Variants in RBL2 observed in about 807,000 individuals in gnomAD.
RBL2 encodes retinoblastoma-like protein 2.
A neutral mutation model predicts 126.0 loss-of-function variants in RBL2; 56 were observed. The observed-to-expected ratio is 0.44, with a 90% confidence interval of 0.36 to 0.56. RBL2 has a LOEUF of 0.56. RBL2 is among the 20% of genes least tolerant of loss of function. The pLI, the probability that RBL2 is intolerant of heterozygous loss-of-function variation, is 0.00. For missense variants in RBL2, 1,229 were observed against 1,398.2 expected (o/e 0.88, Z 1.93); for synonymous variants, 454 against 478.5 (o/e 0.95, Z 0.67).
chr16:53,479,132 G>C, intron 17 of RBL2, 22 bp from the exon 18 acceptor site: 1 of 1,591,772 alleles, frequency 6.3e-7, no homozygotes, highest in Non-Finnish European at 8.6e-7. Flanking sequence ...ATGTCTCTCA[G>C]AGCACTCTTA....
At chr16:53,447,720 C>T (rs1598093829) in intron 4 of RBL2, among the ~76,000 whole-genome samples, 1 of 152,004 alleles carries the variant, frequency 6.6e-6, no homozygotes, top group East Asian at 1.9e-4. Flanking sequence ...TCTCGGCTCA[C>T]TGCAGCCTAC....
At position 53,464,245 on chromosome 16, in the gene RBL2, C is replaced by G; in HGVS notation, c.1580C>G (p.Ala527Gly). 4 of 1,581,624 alleles carry G rather than the reference C, an allele frequency of 2.5e-6. No homozygotes were observed. The South Asian group carries it at 3.5e-5, about 14-fold the overall frequency. ...MDLSGILEQDAFHRSLLACCL... is the reference protein window; with the variant it reads ...MDLSGILEQDGFHRSLLACCL... ...TTATAGGGTATTCTGGAACAAGATGCGTTCCACAGATCTCTCTTGGCCTGC... is the reference window on the plus strand; with the variant it reads ...TTATAGGGTATTCTGGAACAAGATGGGTTCCACAGATCTCTCTTGGCCTGC... Residue 527 changes from alanine to glycine, a missense_variant, in exon 12 of 22, where the codon GCG becomes GGG. Physicochemically the swap from Ala to Gly is moderately conservative, Grantham distance 60. Around this residue, in one of 2 missense-constraint regions of RBL2, gnomAD observed 1,070 missense variants for 1,274.3 expected, o/e 0.84. Coordinates refer to ENST00000262133, the MANE Select transcript of RBL2 (RefSeq NM_005611.4).
chr16:53,440,548 A>G (rs953897315), intron 2 of RBL2, among the ~76,000 whole-genome samples: 3 of 152,188 alleles, frequency 2.0e-5, no homozygotes, highest in African/African-American at 7.2e-5. Context: ...AAGTAGAAAG[A>G]TAACATTTCA....
Position 53,456,815 on chromosome 16 carries a change from A to G in RBL2, c.1179+1973A>G, listed in dbSNP as rs116173168. Among the ~76,000 whole-genome samples, 1,154 of 152,300 alleles carry G rather than the reference A, an allele frequency of 7.6e-3. 21 individuals carry two copies. Among genetic ancestry groups the G allele is most frequent in the African/African-American group, 0.027 (1,108 of 41,572 alleles). ...TCTGGTCTCTGATAACCCAACTGCTATGTCAATAATAACCACAACATCCTC... is the reference window on the plus strand; with the variant it reads ...TCTGGTCTCTGATAACCCAACTGCTGTGTCAATAATAACCACAACATCCTC... On this transcript the variant is annotated intron_variant, in intron 8 of 21. Coordinates refer to ENST00000262133, the MANE Select transcript of RBL2 (RefSeq NM_005611.4).
chr16:53,440,649 G>C (rs2058005921), intron 2 of RBL2, among the ~76,000 whole-genome samples: 1 of 152,134 alleles, frequency 6.6e-6, no homozygotes. Flanking sequence ...TGCCTCCCAG[G>C]TTCAAACGAT....
chr16:53,488,287 A>G (rs1381975750), intron 21 of RBL2: 1 of 152,244 alleles, frequency 6.6e-6, no homozygotes, highest in Non-Finnish European at 1.5e-5. Flanking sequence ...TAAGTGAAAG[A>G]CACTGGATTC....
In RBL2 at chr16:53,461,727, A is replaced by G; in HGVS notation, c.1347-14A>G. On this transcript the variant is annotated splice_polypyrimidine_tract_variant and intron_variant, in intron 9 of 21. Transcript: ENST00000262133. ...AGACCTTTAAATTATGTTATTTCTC[A>G]TTACCTTTTTTAGGACATGTTCCAG... The G allele has an allele frequency of 1.9e-6, 3 of 1,549,458 alleles. No individual in the cohort carries two copies. The highest frequency in any genetic ancestry group is 2.6e-6 in the Non-Finnish European group (3 of 1,146,534).
At chr16:53,486,085 T>A (rs1265356201) in intron 21 of RBL2, among the ~76,000 whole-genome samples, 2 of 148,082 alleles carry the variant, frequency 1.4e-5, no homozygotes, top group African/African-American at 2.5e-5. Context: ...AGCCCAGTAG[T>A]TCAAGACCAG....
Position 53,455,253 on chromosome 16 carries a change from T to C in RBL2, c.1179+411T>C, listed in dbSNP as rs555489853. On this transcript the variant is annotated intron_variant, in intron 8 of 21. Transcript: ENST00000262133. ...TTTAAGAAAATTCTTTTAAACTGAA[T>C]TTCAGGACCACGTGGTATTATTTCA... is the stretch of plus-strand genomic sequence containing the variant. Among the ~76,000 whole-genome samples, 6 of 152,296 alleles carry C rather than the reference T, an allele frequency of 3.9e-5. No homozygotes were observed. The South Asian group carries it at 1.2e-3, about 32-fold the overall frequency.
chr16:53,436,675 GTA>G (rs2057961475), intron 1 of RBL2, among the ~76,000 whole-genome samples: 1 of 152,132 alleles, frequency 6.6e-6, no homozygotes, highest in African/African-American at 2.4e-5. Flanking sequence ...TTGATTTCTT[GTA>G]TTTTCTGTGC....
intron 8 of RBL2, among the ~76,000 whole-genome samples, chr16:53,455,321 C>G (rs931009341): frequency 5.3e-5 from 8 of 152,190 alleles, no homozygotes; most frequent in Non-Finnish European, 7.3e-5. Context: ...TTCCCTTCTG[C>G]TATGTGGTGG....
chr16:53,446,151 A>T (rs1249328166), intron 3 of RBL2, among the ~76,000 whole-genome samples: 1 of 152,224 alleles, frequency 6.6e-6, no homozygotes. Flanking sequence ...GCTAAAAAAA[A>T]TTGAATTTTA....
Position 53,490,219 on chromosome 16 carries a change from T to C in RBL2, c.3339T>C (p.Pro1113=). ...TTTTGGAAGATGGAAGTGAATCACC[T>C]GCAAAAAGAATTTGCCCAGAAAATC... ...GILLEDGSES[P]AKRICPENHS... The change falls in exon 22 of 22, where the codon CCT becomes CCC. Residue 1113 remains proline, a synonymous_variant. Coordinates refer to ENST00000262133, the MANE Select transcript of RBL2 (RefSeq NM_005611.4). The C allele has an allele frequency of 1.2e-6, 2 of 1,612,814 alleles. No individual in the cohort carries two copies. Among genetic ancestry groups the C allele is most frequent in the Non-Finnish European group, 1.7e-6 (2 of 1,179,062 alleles).
At chr16:53,445,772 C>T (rs1320611613) in intron 3 of RBL2, 3 of 152,226 alleles carry the variant, frequency 2.0e-5, no homozygotes, top group Non-Finnish European at 4.4e-5. Context: ...CCCACAGTCT[C>T]TGTCTTCTGA....
chr16:53,442,147 T>TA (rs200433481), intron 2 of RBL2, among the ~76,000 whole-genome samples: 37 of 151,418 alleles, frequency 2.4e-4, no homozygotes, highest in African/African-American at 8.0e-4. Context: ...GTTGCTAGTT[T>TA]AAAAAAAAAT....
chr16:53,473,961 A>C (rs1305284044), intron 17 of RBL2, among the ~76,000 whole-genome samples: 1 of 152,002 alleles, frequency 6.6e-6, no homozygotes, highest in Non-Finnish European at 1.5e-5. Flanking sequence ...TCCTATGTTA[A>C]ACCAGCCTTG....
rs2058141452 is a variant in RBL2 at position 53,454,001 on chromosome 16, A to C, written c.992+232A>C. ...CTTCTGGATTATAAATTTTGAAATAAATTCTTTTGGAACTATATGGGTGAA... is the reference window on the plus strand; with the variant it reads ...CTTCTGGATTATAAATTTTGAAATACATTCTTTTGGAACTATATGGGTGAA... On this transcript the variant is annotated intron_variant, in intron 7 of 21. Transcript: ENST00000262133. 2.0e-5 allele frequency among the ~76,000 whole-genome samples: 3 copies of C among 152,180 alleles called. 1 individual carries two copies. The highest frequency in any genetic ancestry group is 6.3e-3 in the Middle Eastern group (2 of 316).
At chr16:53,486,224 C>T (rs1961170985) in intron 21 of RBL2, among the ~76,000 whole-genome samples, 1 of 151,884 alleles carries the variant, frequency 6.6e-6, no homozygotes, top group African/African-American at 2.4e-5. Context: ...TTGCTAGAGC[C>T]TGCGTGGTCA....
intron 17 of RBL2, among the ~76,000 whole-genome samples, chr16:53,476,047 C>T (rs1713404145): frequency 6.6e-6 from 1 of 151,618 alleles, no homozygotes; most frequent in South Asian, 2.1e-4. Context: ...TGGTCTCGAA[C>T]TCCTGAGCTC....
Sources: gnomAD v4.1 joint callset for allele counts (sites outside exome capture counted in the v4.1 genomes callset) on GRCh38, gnomAD v4.1.1 for gene constraint, gnomAD v4.1.1 regional missense constraint, MANE v1.5 for transcripts, NCBI Gene and HGNC (gene_info 2026-07-23, HGNC 2026-07-21) for gene names.